Variants in DSCAM observed in about 807,000 individuals in gnomAD.
The protein encoded by DSCAM is cell adhesion molecule DSCAM.
In DSCAM, 47 loss-of-function variants were observed where a neutral mutation model predicts 217.7. The observed-to-expected ratio is 0.22, with a 90% confidence interval of 0.17 to 0.28. The LOEUF (loss-of-function observed/expected upper bound fraction) is 0.28, where lower values mean the gene tolerates loss of function less well. Among genes scored for constraint, DSCAM ranks in the 10% least tolerant of loss-of-function variants. DSCAM has a pLI of 1.00. For synonymous variants in DSCAM, 1,056 were observed against 1,015.3 expected (o/e 1.04, Z -0.76); for missense variants, 2,080 against 2,618.3 (o/e 0.79, Z 4.49).
intron 11 of DSCAM, among the ~76,000 whole-genome samples, chr21:40,219,718 T>C (rs552295843): frequency 1.3e-5 from 2 of 152,226 alleles, no homozygotes; most frequent in African/African-American, 2.4e-5. Context: ...TCTCTGCCAA[T>C]ATTCCATATT....
chr21:40,310,627 CA>C (rs2074127267), intron 9 of DSCAM, among the ~76,000 whole-genome samples: 2 of 152,174 alleles, frequency 1.3e-5, no homozygotes, highest in Non-Finnish European at 2.9e-5. Context: ...GCAAGTTGTA[CA>C]AAAAGCATCC....
At chr21:40,645,396 G>A (rs1436575160) in intron 3 of DSCAM, among the ~76,000 whole-genome samples, 3 of 152,122 alleles carry the variant, frequency 2.0e-5, no homozygotes, top group Non-Finnish European at 4.4e-5. Flanking sequence ...TAGAGATGAT[G>A]ATACATAAAG....
chr21:40,585,419 C>CAAAAAAAAAAAAA (rs71186946), intron 3 of DSCAM, among the ~76,000 whole-genome samples: 1 of 87,008 alleles, frequency 1.1e-5, no homozygotes, highest in African/African-American at 4.0e-5. Flanking sequence ...GACTCCGTCT[C>CAAAAAAAAAAAAA]AAAAAAAAAA....
At chr21:40,706,196 A>G (rs910080425) in intron 2 of DSCAM, among the ~76,000 whole-genome samples, 2 of 143,292 alleles carry the variant, frequency 1.4e-5, no homozygotes, top group Admixed American at 1.4e-4. Flanking sequence ...AAAAAAAAAA[A>G]GAAAGAAAGA....
chr21:40,833,695 T>C (rs941968352), intron 1 of DSCAM, among the ~76,000 whole-genome samples: 17 of 152,354 alleles, frequency 1.1e-4, no homozygotes, highest in South Asian at 1.0e-3. Context: ...GCTATGGTTT[T>C]AGCAGCCAAA....
chr21:40,249,680 G>A (rs2146958107), intron 11 of DSCAM, among the ~76,000 whole-genome samples: 1 of 152,330 alleles, frequency 6.6e-6, no homozygotes, highest in Admixed American at 6.5e-5. Context: ...AGTGTGTGAT[G>A]TGGCAGGTCT....
intron 3 of DSCAM, among the ~76,000 whole-genome samples, chr21:40,468,149 C>T (rs1486366162): frequency 6.6e-6 from 1 of 152,048 alleles, no homozygotes; most frequent in Non-Finnish European, 1.5e-5. Context: ...CTTCCTCTGC[C>T]CTATGTTTAT....
chr21:40,026,107 T>C (rs2088376537), intron 32 of DSCAM, among the ~76,000 whole-genome samples: 1 of 142,288 alleles, frequency 7.0e-6, no homozygotes, highest in Non-Finnish European at 1.6e-5. Context: ...ACATCTTTAT[T>C]TCTGGTTTCA....
chr21:40,097,959 AAAGAAAGAAAGAAAGAAAGAAAG>A lies in DSCAM; in HGVS notation c.3697-4108_3697-4086del, dbSNP rs1568939018. 5.6e-3 allele frequency among the ~76,000 whole-genome samples: 148 copies of A among 26,544 alleles called. 13 individuals are homozygous for A. Among genetic ancestry groups the A allele is most frequent in the Middle Eastern group, 0.03 (2 of 66 alleles). 17.4% of individuals were successfully genotyped at this position (26,544 alleles called of 152,430 possible). A position where few individuals can be genotyped will look rare whatever the true frequency, so the allele number is the denominator to read the frequency against. ...CTGTCTCAAAAAAAAAAAAAAAAAG[AAAGAAAGAAAGAAAGAAAGAAAG>A]AAAGAAAGAAAGAAAGAAAGAAAGA... On this transcript the variant is annotated intron_variant, in intron 20 of 32. Transcript: ENST00000400454.
chr21:40,343,878 ATTATT>A (rs1024154155), intron 6 of DSCAM, among the ~76,000 whole-genome samples: 2 of 148,410 alleles, frequency 1.3e-5, no homozygotes, highest in African/African-American at 2.5e-5. Flanking sequence ...TTTTTATTTT[ATTATT>A]TTATTTCATT....
intron 11 of DSCAM, among the ~76,000 whole-genome samples, chr21:40,232,372 A>C (rs1279114022): frequency 6.6e-6 from 1 of 152,206 alleles, no homozygotes; most frequent in African/African-American, 2.4e-5. Context: ...TCTACGGAGC[A>C]TGGGGTATGA....
chr21:40,371,951 T>C (rs1384249733), intron 3 of DSCAM, among the ~76,000 whole-genome samples: 1 of 152,210 alleles, frequency 6.6e-6, no homozygotes, highest in Admixed American at 6.5e-5. Context: ...GTCTAGTCCT[T>C]CATTTCTCAA....
intron 18 of DSCAM, among the ~76,000 whole-genome samples, chr21:40,139,382 A>C (rs1217328108): frequency 6.6e-6 from 1 of 151,994 alleles, no homozygotes; most frequent in Admixed American, 6.6e-5. Context: ...TTCGGTCTGG[A>C]AGGCAGGACA....
chr21:40,678,430 T>A (rs2090364586), intron 3 of DSCAM, among the ~76,000 whole-genome samples: 1 of 152,194 alleles, frequency 6.6e-6, no homozygotes, highest in Admixed American at 6.5e-5. Context: ...CACATCTGGG[T>A]GCTTTCTTCA....
At chr21:40,642,363 C>G (rs981488842) in intron 3 of DSCAM, among the ~76,000 whole-genome samples, 7 of 152,190 alleles carry the variant, frequency 4.6e-5, no homozygotes, top group African/African-American at 1.7e-4. Context: ...CCAGCACAAG[C>G]AAGAGGGAGC....
chr21:40,147,425 G>A (rs898868664), intron 16 of DSCAM, among the ~76,000 whole-genome samples: 3 of 152,094 alleles, frequency 2.0e-5, no homozygotes, highest in Admixed American at 6.5e-5. Context: ...AATAGACAAC[G>A]CAGGTGTTTT....
At chr21:40,722,407 T>G (rs1245336693) in intron 1 of DSCAM, among the ~76,000 whole-genome samples, 2 of 152,062 alleles carry the variant, frequency 1.3e-5, no homozygotes, top group South Asian at 2.1e-4. Flanking sequence ...AAATAAAAAT[T>G]TATTGTTGTA....
chr21:40,714,261 G>A (rs2090815889), intron 1 of DSCAM, among the ~76,000 whole-genome samples: 1 of 152,166 alleles, frequency 6.6e-6, no homozygotes, highest in Non-Finnish European at 1.5e-5. Flanking sequence ...TGGAGCCACG[G>A]AAGTGGGGCT....
intron 1 of DSCAM, among the ~76,000 whole-genome samples, chr21:40,810,263 C>T (rs1215343237): frequency 6.6e-6 from 1 of 152,152 alleles, no homozygotes; most frequent in African/African-American, 2.4e-5. Flanking sequence ...AACGTTGCAC[C>T]CTCAGGTCTG....
Sources: allele counts gnomAD v4.1 joint callset (sites outside exome capture counted in the v4.1 genomes callset), GRCh38; gene constraint gnomAD v4.1.1; transcripts MANE v1.5; gene names NCBI Gene and HGNC (gene_info 2026-07-23, HGNC 2026-07-21).